The following MALRD1 variants were observed in gnomAD, a reference collection of about 807,000 sequenced individuals.
MALRD1 encodes the protein MAM and LDL receptor class A domain containing 1.
A neutral mutation model predicts 242.1 loss-of-function variants in MALRD1; 247 were observed. The observed-to-expected ratio is 1.02, with a 90% CI of 0.92 to 1.13. MALRD1 has a LOEUF of 1.13. Ranked by LOEUF, MALRD1 falls within the 50% of genes most tolerant of loss-of-function variation. MALRD1 has a pLI of 0.00. For synonymous variants in MALRD1, 995 were observed against 866.6 expected, an observed-to-expected ratio of 1.15 and a Z score of -2.60; for missense variants, 2,989 against 2,533.1, an observed-to-expected ratio of 1.18 and a Z score of -3.86.
rs1307277947 is a variant in MALRD1 at position 19,237,559 on chromosome 10, C to T, written c.2992-20125C>T. Among the ~76,000 whole-genome samples the T allele has an allele frequency of 3.7e-3, 405 of 109,412 alleles. 1 individual carries two copies. The highest frequency in any genetic ancestry group is 6.0e-3 in the Non-Finnish European group (329 of 54,868). 71.8% of individuals were successfully genotyped at this position (109,412 alleles called of 152,430 possible). A position where few individuals can be genotyped will look rare whatever the true frequency, so the allele number is the denominator to read the frequency against. Reference sequence around the variant, plus strand: ...ATAATTTTATGTATAATTATAATTACACATAAAATTATATATAATTATAAT... The same window carrying T: ...ATAATTTTATGTATAATTATAATTATACATAAAATTATATATAATTATAAT... On this transcript the variant is annotated intron_variant, in intron 18 of 39. Transcript: ENST00000454679.
At chr10:19,466,583 C>T (rs971300083) in intron 29 of MALRD1, among the ~76,000 whole-genome samples, 5 of 152,266 alleles carry the variant, frequency 3.3e-5, no homozygotes, top group South Asian at 4.1e-4. Flanking sequence ...CTTCTGAGGC[C>T]TCTCTCCACG....
In MALRD1 at chr10:19,714,298, C is replaced by T. The variant is rs373155445; in HGVS notation, c.6315-16408C>T. Among the ~76,000 whole-genome samples the T allele has an allele frequency of 1.4e-4, 21 of 152,276 alleles. No individual in the cohort carries two copies. In the East Asian group the frequency reaches 1.9e-3, roughly 14 times the overall value. On this transcript the variant is annotated intron_variant, in intron 38 of 39. Coordinates refer to ENST00000454679, the MANE Select transcript of MALRD1 (RefSeq NM_001142308.3). The stretch of plus-strand genomic sequence containing the variant: ...ATGGATTGGGAAAGTGGTTTTCCTC[C>T]GGAGTAGGGCTGCCCAGTGGCTGGG...
intron 18 of MALRD1, among the ~76,000 whole-genome samples, chr10:19,226,206 C>T (rs1204282772): frequency 6.6e-6 from 1 of 152,018 alleles, no homozygotes; most frequent in African/African-American, 2.4e-5. Flanking sequence ...GACAATCTAC[C>T]ATGCTGACAG....
chr10:19,533,727 C>G (rs1042210534), intron 32 of MALRD1, among the ~76,000 whole-genome samples: 1 of 152,152 alleles, frequency 6.6e-6, no homozygotes, highest in African/African-American at 2.4e-5. Flanking sequence ...CAGCATCCAG[C>G]CATGACAGAT....
chr10:19,594,355 G>T (rs750318838), intron 33 of MALRD1, among the ~76,000 whole-genome samples: 12 of 152,198 alleles, frequency 7.9e-5, no homozygotes, highest in Non-Finnish European at 1.8e-4. Flanking sequence ...TGGTGCGGAT[G>T]TGGTGAAATG....
intron 36 of MALRD1, among the ~76,000 whole-genome samples, chr10:19,618,404 A>G (rs1019519683): frequency 2.6e-5 from 4 of 152,050 alleles, no homozygotes; most frequent in African/African-American, 9.7e-5. Context: ...TTGAGGAATC[A>G]CCGCACTGCT....
chr10:19,113,178 G>A (rs1836740312), intron 5 of MALRD1, among the ~76,000 whole-genome samples: 1 of 151,804 alleles, frequency 6.6e-6, no homozygotes, highest in Non-Finnish European at 1.5e-5. Flanking sequence ...GACACCTATG[G>A]CCAGGTCTCC....
chr10:19,218,261 C>T (rs755564094), intron 18 of MALRD1, among the ~76,000 whole-genome samples: 8 of 152,072 alleles, frequency 5.3e-5, no homozygotes, highest in Non-Finnish European at 1.2e-4. Flanking sequence ...AAGTTATTCA[C>T]GCCAATTATG....
chr10:19,311,633 ATGTC>A (rs1564551213), intron 21 of MALRD1, among the ~76,000 whole-genome samples: 1 of 151,602 alleles, frequency 6.6e-6, no homozygotes, highest in South Asian at 2.1e-4. Context: ...AACAATCTAT[ATGTC>A]TGTCAATATA....
At chr10:19,397,926 T>C (rs1042182706) in intron 28 of MALRD1, among the ~76,000 whole-genome samples, 2 of 152,054 alleles carry the variant, frequency 1.3e-5, no homozygotes, top group African/African-American at 4.8e-5. Context: ...ATTTTTTTTT[T>C]TCATATATCT....
At chr10:19,270,332 TCTCTCACACACA>T (rs1310147323) in intron 19 of MALRD1, among the ~76,000 whole-genome samples, 8 of 72,592 alleles carry the variant, frequency 1.1e-4, no homozygotes, top group Admixed American at 2.2e-4. Context: ...TCTCTCTCTC[TCTCTCACACACA>T]CACACACACA....
intron 7 of MALRD1, 76 bp downstream of exon 7, chr10:19,124,746 A>C: frequency 8.6e-7 from 1 of 1,156,284 alleles, no homozygotes; most frequent in South Asian, 4.4e-5. Context: ...AAGACATTAC[A>C]TAGGAGGCCT....
chr10:19,280,243 T>G lies in MALRD1; in HGVS notation c.3256+20T>G. 1 of 1,463,852 alleles carries G rather than the reference T, an allele frequency of 6.8e-7. No homozygotes were observed. The highest frequency in any genetic ancestry group is 9.0e-7 in the Non-Finnish European group (1 of 1,107,542). The allele number at this position is 1,463,852 out of a possible 1,614,324, so 90.7% of individuals were successfully genotyped here. On this transcript the variant is annotated intron_variant, in intron 20 of 39. Coordinates refer to ENST00000454679, the MANE Select transcript of MALRD1 (RefSeq NM_001142308.3). ...CCTGTGGTAGGTGGATTCTTAAAAT[T>G]TGTTTAAATACTGCTACAAAATAGA...
Position 19,400,277 on chromosome 10 carries a change from GA to G in MALRD1, c.4845+10672del, listed in dbSNP as rs561106896. ...CTCATTCTGAAGTCGTCCTTTTCCT[GA>G]AAAGGTAGTTTATAACTTCATGTGC... On this transcript the variant is annotated intron_variant, in intron 28 of 39. Transcript: ENST00000454679. 1.8e-3 allele frequency among the ~76,000 whole-genome samples: 274 copies of G among 152,262 alleles called. 1 individual carries two copies. Among genetic ancestry groups the G allele is most frequent in the African/African-American group, 6.4e-3 (267 of 41,564 alleles).
In MALRD1 at chr10:19,497,813, AG is replaced by A. The variant is rs1366122932; in HGVS notation, c.5159-671del. On this transcript the variant is annotated intron_variant, in intron 30 of 39. Coordinates refer to ENST00000454679, the MANE Select transcript of MALRD1 (RefSeq NM_001142308.3). ...AAGTAATAACTGATGTACAAAAAAAAGAAAAATGAAAGCCTAGATCAGGGTA... is the reference window on the plus strand; with the variant it reads ...AAGTAATAACTGATGTACAAAAAAAAAAAAATGAAAGCCTAGATCAGGGTA... Among the ~76,000 whole-genome samples the A allele has an allele frequency of 6.6e-5, 10 of 152,230 alleles. No individual in the cohort carries two copies. In the East Asian group the frequency reaches 1.2e-3, roughly 18 times the overall value.
At chr10:19,140,291 T>A (rs1313661765) in intron 10 of MALRD1, among the ~76,000 whole-genome samples, 1 of 152,112 alleles carries the variant, frequency 6.6e-6, no homozygotes, top group East Asian at 1.9e-4. Flanking sequence ...GCTGTAGTGG[T>A]TAAATATGCA....
At chr10:19,513,505 C>A (rs185901652) in intron 31 of MALRD1, among the ~76,000 whole-genome samples, 6 of 151,296 alleles carry the variant, frequency 4.0e-5, no homozygotes, top group African/African-American at 1.5e-4. Flanking sequence ...TTTGGGAGGC[C>A]GAGGCGGGCG....
At chr10:19,240,601 A>T (rs931306259) in intron 18 of MALRD1, among the ~76,000 whole-genome samples, 3 of 152,020 alleles carry the variant, frequency 2.0e-5, no homozygotes, top group African/African-American at 7.2e-5. Flanking sequence ...CTCCAGTACT[A>T]TGCTAAATAG....
chr10:19,265,500 G>A (rs975239786), intron 19 of MALRD1, among the ~76,000 whole-genome samples: 1 of 151,980 alleles, frequency 6.6e-6, no homozygotes, highest in African/African-American at 2.4e-5. Context: ...TAAGGAGTAT[G>A]TTGTTTTAAT....
Sources: allele counts gnomAD v4.1 joint callset (sites outside exome capture counted in the v4.1 genomes callset), GRCh38; gene constraint gnomAD v4.1.1; transcripts MANE v1.5; gene names NCBI Gene and HGNC (gene_info 2026-07-23, HGNC 2026-07-21).